Variants in USH2A observed in about 807,000 individuals in gnomAD.
USH2A encodes the protein Usher syndrome 2A (autosomal recessive, mild).
USH2A carries 443 observed loss-of-function variants against 538.9 expected under a neutral mutation model. The observed-to-expected ratio is 0.82, with a 90% CI of 0.76 to 0.89. USH2A has a LOEUF of 0.89. Among genes scored for constraint, USH2A ranks in the 40% least tolerant of loss-of-function variants. The probability of loss-of-function intolerance (pLI) is 0.00; values close to 1 mark genes in which losing one functional copy is unlikely to be tolerated. For missense variants in USH2A, 6,633 were observed against 6,324.8 expected (o/e 1.05, Z -1.65); for synonymous variants, 2,413 against 2,273.5 (o/e 1.06, Z -1.75).
chr1:216,399,036 C>G (rs1234971794), intron 3 of USH2A, among the ~76,000 whole-genome samples: 1 of 152,144 alleles, frequency 6.6e-6, no homozygotes, highest in Non-Finnish European at 1.5e-5. Context: ...TCACCTCAGC[C>G]CAGCAAGTAG....
At chr1:216,063,043 C>T (rs1186732942) in intron 30 of USH2A, among the ~76,000 whole-genome samples, 1 of 152,094 alleles carries the variant, frequency 6.6e-6, no homozygotes, top group African/African-American at 2.4e-5. Context: ...CTCTAACAAC[C>T]AAAATTAACT....
rs142048863 is a variant in USH2A at position 215,919,658 on chromosome 1, C to T, written c.7300+14958G>A. 9.8e-3 allele frequency among the ~76,000 whole-genome samples: 1,492 copies of T among 152,000 alleles called. 20 individuals are homozygous for T. Among genetic ancestry groups the T allele is most frequent in the African/African-American group, 0.035 (1,440 of 41,472 alleles). ...GCATTGTATTTTCCCTCTCAAGCAA[C>T]CTATAATTTCATACTTTCTCAAGAA... On this transcript the variant is annotated intron_variant, in intron 38 of 71. Transcript: ENST00000307340.
intron 21 of USH2A, among the ~76,000 whole-genome samples, chr1:216,111,447 T>C (rs1166566315): frequency 6.6e-6 from 1 of 152,082 alleles, no homozygotes; most frequent in African/African-American, 2.4e-5. Context: ...GACAACACAT[T>C]CTTCAAATCC....
At chr1:216,031,280 T>A (rs1165469697) in intron 32 of USH2A, among the ~76,000 whole-genome samples, 1 of 152,082 alleles carries the variant, frequency 6.6e-6, no homozygotes, top group Non-Finnish European at 1.5e-5. Context: ...GAGCCCCCTA[T>A]AAATATATGG....
intron 32 of USH2A, among the ~76,000 whole-genome samples, chr1:216,016,762 A>G (rs1668721635): frequency 6.6e-6 from 1 of 150,914 alleles, no homozygotes; most frequent in Non-Finnish European, 1.5e-5. Context: ...CAAAAAAGAA[A>G]GGAGGACCTG....
intron 21 of USH2A, among the ~76,000 whole-genome samples, chr1:216,138,823 A>G (rs1211412458): frequency 6.6e-6 from 1 of 152,206 alleles, no homozygotes; most frequent in Non-Finnish European, 1.5e-5. Flanking sequence ...AAAGAATAAA[A>G]CAGACAGGAA....
intron 56 of USH2A, among the ~76,000 whole-genome samples, chr1:215,764,861 G>T (rs1245790305): frequency 6.6e-6 from 1 of 151,722 alleles, no homozygotes; most frequent in Admixed American, 6.6e-5. Context: ...ATATATAAAT[G>T]GCACTTATTC....
chr1:216,226,746 TC>T (rs1173090879), intron 14 of USH2A, among the ~76,000 whole-genome samples: 1 of 152,214 alleles, frequency 6.6e-6, no homozygotes, highest in Non-Finnish European at 1.5e-5. Flanking sequence ...GGCCCCTTTA[TC>T]TTCTAAGTGG....
At chr1:216,174,990 A>G (rs2034345529) in intron 21 of USH2A, 2 of 1,295,658 alleles carry the variant, frequency 1.5e-6, no homozygotes, top group Non-Finnish European at 2.0e-6. Context: ...AAAAAGACAA[A>G]TACAAAGCAC....
intron 37 of USH2A, among the ~76,000 whole-genome samples, chr1:215,949,132 G>T (rs1397402502): frequency 2.6e-4 from 40 of 152,032 alleles, no homozygotes; most frequent in Non-Finnish European, 7.4e-5. Context: ...AATAAAAATG[G>T]CATGTTTTAA....
At chr1:216,366,697 A>T (rs1178943995) in intron 3 of USH2A, among the ~76,000 whole-genome samples, 1 of 152,142 alleles carries the variant, frequency 6.6e-6, no homozygotes, top group Admixed American at 6.6e-5. Flanking sequence ...GCTTTTCTCC[A>T]TTCTAACCAC....
chr1:216,387,672 A>C (rs1035369396), intron 3 of USH2A, among the ~76,000 whole-genome samples: 1 of 152,226 alleles, frequency 6.6e-6, no homozygotes, highest in African/African-American at 2.4e-5. Flanking sequence ...AGAATCTATT[A>C]AGTACTCAAT....
At chr1:215,692,539 T>C (rs945560442) in intron 61 of USH2A, among the ~76,000 whole-genome samples, 2 of 152,102 alleles carry the variant, frequency 1.3e-5, no homozygotes, top group Non-Finnish European at 2.9e-5. Context: ...CAAACTGATA[T>C]GGGTGTGCTC....
In USH2A at chr1:215,870,396, G is replaced by A. The variant is rs368844374; in HGVS notation, c.8682-3226C>T. ...TGCAAACTCCGCCTCCCGGGTTCAC[G>A]CCATTCTCCTGCCTCAGCCTTGAGA... On this transcript the variant is annotated intron_variant, in intron 43 of 71. Coordinates refer to ENST00000307340, the MANE Select transcript of USH2A (RefSeq NM_206933.4). 2.0e-3 allele frequency among the ~76,000 whole-genome samples: 303 copies of A among 150,440 alleles called. 2 individuals are homozygous for A. Among genetic ancestry groups the A allele is most frequent in the Middle Eastern group, 0.014 (4 of 286 alleles).
intron 37 of USH2A, among the ~76,000 whole-genome samples, chr1:215,948,152 T>C (rs1666804087): frequency 1.3e-5 from 2 of 152,042 alleles, no homozygotes; most frequent in African/African-American, 4.8e-5. Context: ...CTTATTAGAG[T>C]TTGAAGTTTT....
chr1:216,219,732 ATCTG>A (rs1005334785), intron 14 of USH2A, among the ~76,000 whole-genome samples: 1 of 152,138 alleles, frequency 6.6e-6, no homozygotes, highest in Non-Finnish European at 1.5e-5. Context: ...TTCTCCCGCA[ATCTG>A]TTTAAAATCT....
intron 35 of USH2A, among the ~76,000 whole-genome samples, chr1:215,992,306 A>C (rs1392679822): frequency 1.3e-5 from 2 of 149,118 alleles, no homozygotes; most frequent in African/African-American, 4.9e-5. Flanking sequence ...CAATGGTACT[A>C]TGTTATATGA....
intron 47 of USH2A, among the ~76,000 whole-genome samples, chr1:215,828,991 T>A (rs1038498502): frequency 1.3e-5 from 2 of 152,180 alleles, no homozygotes; most frequent in African/African-American, 4.8e-5. Flanking sequence ...AGGACCAGAA[T>A]TAATGAATTA....
chr1:216,173,697 G>T (rs1254552909), intron 21 of USH2A, among the ~76,000 whole-genome samples: 1 of 152,064 alleles, frequency 6.6e-6, no homozygotes, highest in Non-Finnish European at 1.5e-5. Context: ...AACGGTGGAC[G>T]GGCCATTCTA....
Sources: gnomAD v4.1 joint callset for allele counts (sites outside exome capture counted in the v4.1 genomes callset) on GRCh38, gnomAD v4.1.1 for gene constraint, MANE v1.5 for transcripts, NCBI Gene and HGNC (gene_info 2026-07-23, HGNC 2026-07-21) for gene names.